Variants in SPRY3 observed in about 807,000 individuals in gnomAD.
SPRY3 encodes protein sprouty homolog 3.
In SPRY3, 15 loss-of-function variants were observed where a neutral mutation model predicts 20.2. The ratio of observed to expected loss-of-function variants is 0.74; its 90% CI spans 0.50 to 1.14. The LOEUF is 1.14. SPRY3 is among the 50% of genes most tolerant of loss of function. The probability of loss-of-function intolerance (pLI) is 0.00; values close to 1 mark genes in which losing one functional copy is unlikely to be tolerated. For synonymous variants in SPRY3, 143 were observed against 136.5 expected, an observed-to-expected ratio of 1.05 and a Z score of -0.33; for missense variants, 364 against 363.9, an observed-to-expected ratio of 1.00 and a Z score of 0.00.
At chrX:155,643,757 CACTTTA>C (rs1557351621) in intron 1 of SPRY3, among the ~76,000 whole-genome samples, 1 of 112,208 alleles carries the variant, frequency 8.9e-6, no homozygotes. Context: ...AAAAGCTCTA[CACTTTA>C]ACTTTATTCC....
At chrX:155,774,597 T>G (rs1191499184) in exon 4 of SPRY3, 5 of 1,613,998 alleles carry the variant, frequency 3.1e-6, no homozygotes, top group Non-Finnish European at 4.2e-6. Context: ...TGCCTACCCG[T>G]GGATGCCTCC....
chrX:155,774,823 G>C, exon 4 of SPRY3: 1 of 1,471,522 alleles, frequency 6.8e-7, no homozygotes, highest in East Asian at 2.3e-5. Context: ...AGGGGGAGGA[G>C]TGATAAACTA....
intron 1 of SPRY3, among the ~76,000 whole-genome samples, chrX:155,632,110 A>G (rs1299410548): frequency 1.8e-5 from 2 of 110,590 alleles, no homozygotes; most frequent in African/African-American, 3.3e-5. Flanking sequence ...CTACATTTAA[A>G]TCAGTTGAGA....
chrX:155,773,845 C>T (rs2091400119), exon 4 of SPRY3: 1 of 1,601,300 alleles, frequency 6.2e-7, no homozygotes, highest in African/African-American at 1.3e-5. Context: ...GACTTAAAAC[C>T]ACTCAGAGCT....
intron 2 of SPRY3, among the ~76,000 whole-genome samples, chrX:155,692,159 GAGGGA>G (rs1326533504): frequency 9.0e-6 from 1 of 110,761 alleles, no homozygotes; most frequent in African/African-American, 3.3e-5. Context: ...GAGGGATAAA[GAGGGA>G]ATAGTAAATG....
At chrX:155,663,631 A>G (rs1382317168) in intron 2 of SPRY3, among the ~76,000 whole-genome samples, 1 of 111,493 alleles carries the variant, frequency 9.0e-6, no homozygotes, top group South Asian at 3.7e-4. Context: ...CAAATGTTGT[A>G]CTAGACCACT....
chrX:155,758,327 T>C (rs1180277994), intron 2 of SPRY3, among the ~76,000 whole-genome samples: 2 of 152,222 alleles, frequency 1.3e-5, no homozygotes, highest in Non-Finnish European at 2.9e-5. Context: ...AATGACTTGC[T>C]AAAGCCACAC....
intron 1 of SPRY3, among the ~76,000 whole-genome samples, chrX:155,655,718 G>A (rs782584451): frequency 3.6e-5 from 4 of 111,004 alleles, no homozygotes; most frequent in African/African-American, 9.8e-5. Flanking sequence ...TACCACTACC[G>A]TGCTGTTTTT....
At chrX:155,620,813 A>T (rs2067868783) in intron 1 of SPRY3, among the ~76,000 whole-genome samples, 1 of 111,955 alleles carries the variant, frequency 8.9e-6, no homozygotes, top group African/African-American at 3.2e-5. Context: ...AGATCTGTAC[A>T]TTTAACTATA....
intron 2 of SPRY3, among the ~76,000 whole-genome samples, chrX:155,731,571 G>A (rs2091132638): frequency 6.6e-6 from 1 of 151,970 alleles, no homozygotes; most frequent in South Asian, 2.1e-4. Flanking sequence ...AAAACACTGG[G>A]GAATCTTTCT....
intron 2 of SPRY3, among the ~76,000 whole-genome samples, chrX:155,709,345 T>C (rs1175631603): frequency 6.6e-6 from 1 of 151,758 alleles, no homozygotes; most frequent in Non-Finnish European, 1.5e-5. Context: ...ATTGTCTGTC[T>C]TTTGGATATA....
chrX:155,767,864 G>GTA (rs1308097436), intron 2 of SPRY3, 98 bp from the exon 2 acceptor site: 1 of 153,034 alleles, frequency 6.5e-6, no homozygotes, highest in Non-Finnish European at 1.5e-5. Context: ...TCTATACAAA[G>GTA]TATATGCCAC....
chrX:155,767,255 G>A (rs115602240), intron 2 of SPRY3, among the ~76,000 whole-genome samples: 12,532 of 151,812 alleles, frequency 0.083, 960 homozygotes, highest in African/African-American at 0.21. Flanking sequence ...AAATTATAAC[G>A]AGGAGCAATA....
intron 1 of SPRY3, among the ~76,000 whole-genome samples, chrX:155,639,465 G>A (rs1282515935): frequency 1.8e-5 from 2 of 112,150 alleles, no homozygotes; most frequent in East Asian, 5.6e-4. Context: ...TCTCATATAG[G>A]AGTATTTGTC....
rs747921625 is a variant in SPRY3 at position 155,700,701 on chromosome X, C to T, written c.-282+43676C>T. On this transcript the variant is annotated intron_variant, in intron 2 of 3. Coordinates refer to ENST00000675360, the Ensembl canonical transcript of SPRY3. ...TATGTATACATGTGCCATGCTGGTGCGCTGCACCCACTAATGTGTCATCTA... is the reference window on the plus strand; with the variant it reads ...TATGTATACATGTGCCATGCTGGTGTGCTGCACCCACTAATGTGTCATCTA... Among the ~76,000 whole-genome samples, 104 of 67,845 alleles carry T rather than the reference C, an allele frequency of 1.5e-3. 11 individuals are homozygous for T. The highest frequency in any genetic ancestry group is 8.1e-3 in the African/African-American group (94 of 11,640). 58.9% of individuals were successfully genotyped at this position (67,845 alleles called of 115,157 possible).
At chrX:155,651,562 G>A (rs1354087244) in intron 1 of SPRY3, among the ~76,000 whole-genome samples, 2 of 111,625 alleles carry the variant, frequency 1.8e-5, no homozygotes, top group Admixed American at 9.5e-5. Flanking sequence ...ATATGTTCTA[G>A]ATACTAGTCC....
chrX:155,759,185 G>A (rs919236989), intron 2 of SPRY3, among the ~76,000 whole-genome samples: 4 of 151,104 alleles, frequency 2.6e-5, no homozygotes, highest in African/African-American at 4.9e-5. Flanking sequence ...CATCACGCCC[G>A]GCTAATTTTT....
At chrX:155,643,712 G>A (rs1311283416) in intron 1 of SPRY3, among the ~76,000 whole-genome samples, 1 of 111,438 alleles carries the variant, frequency 9.0e-6, no homozygotes, top group Non-Finnish European at 1.9e-5. Flanking sequence ...ACTTAACATT[G>A]TTTGCATAAA....
At chrX:155,737,234 T>C (rs1169811691) in intron 2 of SPRY3, among the ~76,000 whole-genome samples, 1 of 152,148 alleles carries the variant, frequency 6.6e-6, no homozygotes, top group East Asian at 1.9e-4. Flanking sequence ...GACTGGTTGT[T>C]TTTTTGTTCT....
Sources: allele counts gnomAD v4.1 joint callset (sites outside exome capture counted in the v4.1 genomes callset), GRCh38; gene constraint gnomAD v4.1.1; transcripts MANE v1.5; gene names NCBI Gene and HGNC (gene_info 2026-07-23, HGNC 2026-07-21).